CCDC40: variants seen among roughly 807,000 people sequenced by gnomAD.
The protein encoded by CCDC40 is coiled-coil domain 40 molecular ruler complex subunit, also known as coiled-coil domain-containing protein 40.
In CCDC40, 104 loss-of-function variants were observed where a neutral mutation model predicts 124.5. That is an observed-to-expected ratio of 0.84 (90% CI 0.71 to 0.98). The LOEUF is 0.98. Ranked by LOEUF, CCDC40 falls within the 50% of genes least tolerant of loss-of-function variation. CCDC40 has a pLI of 0.00. For synonymous variants in CCDC40, 580 were observed against 602.9 expected (o/e 0.96, Z 0.56); for missense variants, 1,463 against 1,503.9 (o/e 0.97, Z 0.45).
chr17:80,046,451 G>A (rs534094872), intron 3 of CCDC40, among the ~76,000 whole-genome samples: 3 of 151,964 alleles, frequency 2.0e-5, no homozygotes, highest in South Asian at 4.2e-4. Flanking sequence ...GAGGATCACC[G>A]GAGCCCAGAA....
chr17:80,098,417 G>A (rs963936919), intron 19 of CCDC40, among the ~76,000 whole-genome samples: 1 of 152,244 alleles, frequency 6.6e-6, no homozygotes, highest in African/African-American at 2.4e-5. Context: ...GATGCGGGGG[G>A]CACCTGGGGC....
At chr17:80,095,513 C>T in intron 18 of CCDC40, 62 bp downstream of exon 18, 1 of 1,531,610 alleles carries the variant, frequency 6.5e-7, no homozygotes, top group Non-Finnish European at 9.0e-7. Context: ...AAGGAACACT[C>T]CAGGAAGGCG....
chr17:80,045,170 C>T (rs1301389091), intron 3 of CCDC40, among the ~76,000 whole-genome samples: 4 of 152,198 alleles, frequency 2.6e-5, no homozygotes, highest in African/African-American at 9.7e-5. Context: ...GCCGAACATA[C>T]CTGGGGCTGC....
Position 80,095,284 on chromosome 17 carries a change from A to C in CCDC40, c.2854A>C (p.Lys952Gln). 2 of 1,613,898 alleles carry C rather than the reference A, an allele frequency of 1.2e-6. No individual in the cohort carries two copies. The highest frequency in any genetic ancestry group is 1.7e-6 in the Non-Finnish European group (2 of 1,180,008). ...CCAGGTCAGGCTCGGGCAGCTGCTG[A>C]AGCAGCAGGAGAAGATGATCCGTGC... is the stretch of plus-strand genomic sequence containing the variant. ...RMKVRLGQLLKQQEKMIRAME... is the reference protein window; with the variant it reads ...RMKVRLGQLLQQQEKMIRAME... Residue 952 changes from lysine to glutamine, a missense_variant, in exon 18 of 20, where the codon AAG becomes CAG. Lys to Gln is a moderately conservative substitution (Grantham distance 53). Transcript: ENST00000397545.
rs182121628 is a variant in CCDC40 at position 80,046,612 on chromosome 17, G to A, written c.553-667G>A. Among the ~76,000 whole-genome samples, 67 of 152,136 alleles carry A rather than the reference G, an allele frequency of 4.4e-4. 1 individual carries two copies. In the East Asian group the frequency reaches 0.012, roughly 27 times the overall value. ...TAGCTAAGTGTAAACACCCAGGCAC[G>A]AGAATGCATGGGTCCTGGGATCTTT... On this transcript the variant is annotated intron_variant, in intron 3 of 19. Transcript: ENST00000397545.
chr17:80,091,336 C>CAGAG (rs1347758584), intron 17 of CCDC40, among the ~76,000 whole-genome samples: 1 of 144,382 alleles, frequency 6.9e-6, no homozygotes, highest in African/African-American at 2.6e-5. Context: ...CACACACACA[C>CAGAG]ACACACAGAG....
Position 80,084,870 on chromosome 17 carries a change from A to G in CCDC40, c.2117A>G (p.Asn706Ser), listed in dbSNP as rs2143744575. 1.9e-5 allele frequency: 31 copies of G among 1,614,178 alleles called. No homozygotes were observed. The highest frequency in any genetic ancestry group is 2.5e-5 in the Non-Finnish European group (29 of 1,180,036). ...VELDQDVKKVNELITNSQSEI... is the reference protein window; with the variant it reads ...VELDQDVKKVSELITNSQSEI... ...CTGGACCAGGACGTGAAGAAAGTCA[A>G]CGAGCTCATCACCAACAGCCAGAGC... Residue 706 changes from asparagine to serine, a missense_variant, in exon 13 of 20, where the codon AAC becomes AGC. Asn to Ser is a conservative substitution (Grantham distance 46, BLOSUM62 1). Transcript: ENST00000397545.
At chr17:80,056,613 C>T (rs2143641182) in intron 7 of CCDC40, among the ~76,000 whole-genome samples, 1 of 152,128 alleles carries the variant, frequency 6.6e-6, no homozygotes, top group Non-Finnish European at 1.5e-5. Context: ...CACCCTGTCT[C>T]AGAAAACAAC....
Position 80,087,581 on chromosome 17 carries a change from C to G in CCDC40, c.2450-26C>G, listed in dbSNP as rs762844473. ...GGACCCGTACCCTCCTGGGGTCTCT[C>G]CCTGAGTCTCTGTTTTCTGCCATAG... On this transcript the variant is annotated intron_variant, in intron 14 of 19. Transcript: ENST00000397545. This position sits in a 1 kb window ranked among gnomAD's most constrained non-coding sequence, Gnocchi z 4.5. 3.1e-6 allele frequency: 5 copies of G among 1,611,432 alleles called. No individual in the cohort carries two copies. Among genetic ancestry groups the G allele is most frequent in the Non-Finnish European group, 3.4e-6 (4 of 1,177,712 alleles).
chr17:80,099,033 A>G (rs992727436), intron 19 of CCDC40, among the ~76,000 whole-genome samples: 7 of 150,446 alleles, frequency 4.7e-5, no homozygotes, highest in Admixed American at 1.3e-4. Context: ...CTGTAATCCC[A>G]GCACTTTGGG....
At chr17:80,079,858 G>A (rs1321251676) in intron 10 of CCDC40, among the ~76,000 whole-genome samples, 1 of 151,712 alleles carries the variant, frequency 6.6e-6, no homozygotes, top group Non-Finnish European at 1.5e-5. Context: ...TTGAACCCAG[G>A]AGGTTGCAGT....
intron 17 of CCDC40, chr17:80,090,324 CG>C: frequency 1.5e-6 from 1 of 652,496 alleles, no homozygotes; most frequent in South Asian, 2.6e-5. Context: ...ACACGGGACG[CG>C]CGCAGGCACG....
At chr17:80,036,748 ACC>A in intron 1 of CCDC40, 57 bp downstream of exon 1, 2 of 1,450,284 alleles carry the variant, frequency 1.4e-6, no homozygotes, top group South Asian at 1.3e-5. Flanking sequence ...CTCTCCGTTC[ACC>A]GCTCCAGGTG....
chr17:80,093,669 A>G, intron 17 of CCDC40, among the ~76,000 whole-genome samples: 1 of 150,428 alleles, frequency 6.6e-6, no homozygotes, highest in Non-Finnish European at 1.5e-5. Flanking sequence ...GTGCACCACT[A>G]TGCCTGGCTA....
chr17:80,062,619 C>G (rs1027229667), intron 9 of CCDC40, among the ~76,000 whole-genome samples: 1 of 151,936 alleles, frequency 6.6e-6, no homozygotes, highest in Non-Finnish European at 1.5e-5. Context: ...TCACTCTGTC[C>G]CCCAGGCTGG....
intron 10 of CCDC40, among the ~76,000 whole-genome samples, chr17:80,079,983 T>A (rs574025821): frequency 2.6e-5 from 4 of 151,590 alleles, no homozygotes; most frequent in African/African-American, 9.7e-5. Flanking sequence ...TCCAACACTT[T>A]GGGAGGCCGA....
intron 10 of CCDC40, among the ~76,000 whole-genome samples, chr17:80,073,896 T>C (rs1281054566): frequency 2.0e-5 from 3 of 152,050 alleles, no homozygotes; most frequent in Non-Finnish European, 4.4e-5. Flanking sequence ...GGTTTCACCA[T>C]GTTGGTCTCG....
chr17:80,091,512 T>A (rs1468353397), intron 17 of CCDC40, among the ~76,000 whole-genome samples: 1 of 149,020 alleles, frequency 6.7e-6, no homozygotes, highest in East Asian at 2.0e-4. Context: ...CCCAGCCCAG[T>A]GTTCCCCCAC....
At chr17:80,056,206 G>A (rs34492630) in intron 7 of CCDC40, among the ~76,000 whole-genome samples, 27,532 of 150,192 alleles carry the variant, frequency 0.18, 3,126 homozygotes, top group East Asian at 0.38. Context: ...ACAAGGGTGT[G>A]TGTGTATGTG....
Sources: gnomAD v4.1 joint callset for allele counts (sites outside exome capture counted in the v4.1 genomes callset) on GRCh38, gnomAD v4.1.1 for gene constraint, Gnocchi (gnomAD v3.1) non-coding constraint, MANE v1.5 for transcripts, NCBI Gene and HGNC (gene_info 2026-07-23, HGNC 2026-07-21) for gene names.